The following OPA3 variants were observed in gnomAD, a reference collection of about 807,000 sequenced individuals.
OPA3 encodes outer mitochondrial membrane lipid metabolism regulator OPA3, also known as optic atrophy 3 protein.
OPA3 carries 6 observed loss-of-function variants against 4.0 expected under a neutral mutation model. The ratio of observed to expected loss-of-function variants is 1.51; its 90% confidence interval spans 0.83 to 2.99. OPA3 has a LOEUF of 2.99. OPA3 is among the 30% of genes most tolerant of loss of function. The pLI is 0.00. For missense variants in OPA3, 235 were observed against 256.2 expected (o/e 0.92, Z 0.56); for synonymous variants, 105 against 117.1 (o/e 0.90, Z 0.67).
At chr19:45,581,855 G>A (rs1217944524) in intron 1 of OPA3, among the ~76,000 whole-genome samples, 1 of 152,214 alleles carries the variant, frequency 6.6e-6, no homozygotes, top group Non-Finnish European at 1.5e-5. Flanking sequence ...CTGGAGGGCA[G>A]TGGTGCAATC....
chr19:45,570,028 T>C (rs1969637912), intron 1 of OPA3, among the ~76,000 whole-genome samples: 1 of 152,204 alleles, frequency 6.6e-6, no homozygotes, highest in Non-Finnish European at 1.5e-5. Flanking sequence ...CCGGGGTCAA[T>C]GACCGAGATG....
In OPA3 at chr19:45,553,433, G is replaced by T. The variant is rs1233471749; in HGVS notation, c.*81C>A. ...GATCCTGGTGGTTTCCACTGGGCCA[G>T]CGCAGGCAAGGGTGGTGCGGGAAGA... On this transcript the variant is annotated 3_prime_UTR_variant, in exon 2 of 2. Coordinates refer to ENST00000263275, the MANE Select transcript of OPA3 (RefSeq NM_025136.4). 11 of 1,601,572 alleles carry T rather than the reference G, an allele frequency of 6.9e-6. No homozygotes were observed. The highest frequency in any genetic ancestry group is 9.3e-6 in the Non-Finnish European group (11 of 1,179,520).
At position 45,550,808 on chromosome 19, in the gene OPA3, C is replaced by T. The variant is rs1969321195; in HGVS notation, c.*2706G>A. On this transcript the variant is annotated 3_prime_UTR_variant, in exon 2 of 2. Coordinates refer to ENST00000263275, the MANE Select transcript of OPA3 (RefSeq NM_025136.4). ...TGCAGCTCCTCTAATGAGAGAGCTACAGTCGGAAGGACAGACTGCAGGCTA... is the reference window on the plus strand; with the variant it reads ...TGCAGCTCCTCTAATGAGAGAGCTATAGTCGGAAGGACAGACTGCAGGCTA... 3.0e-6 allele frequency: 3 copies of T among 986,092 alleles called. No individual in the cohort carries two copies. Among genetic ancestry groups the T allele is most frequent in the Non-Finnish European group, 3.6e-6 (3 of 830,114 alleles). 61.1% of individuals were successfully genotyped at this position (986,092 alleles called of 1,614,324 possible). A position where few individuals can be genotyped will look rare whatever the true frequency, so the allele number is the denominator to read the frequency against.
Position 45,553,186 on chromosome 19 carries a change from AAC to A in OPA3, c.*326_*327del, listed in dbSNP as rs571672143. 8.6e-5 allele frequency: 113 copies of A among 1,316,046 alleles called. 1 individual carries two copies. The East Asian group carries it at 2.7e-3, about 31-fold the overall frequency. 81.5% of individuals were successfully genotyped at this position (1,316,046 alleles called of 1,614,324 possible). On this transcript the variant is annotated 3_prime_UTR_variant, in exon 2 of 2. Transcript: ENST00000263275. ...GTAAACCGGGGGTGGGGGTAACAAT[AAC>A]ACATTGATTCAGCTCAAGACCAGGT... is the stretch of plus-strand genomic sequence containing the variant.
At chr19:45,554,194 C>A (rs1366891584) in intron 1 of OPA3, among the ~76,000 whole-genome samples, 1 of 152,188 alleles carries the variant, frequency 6.6e-6, no homozygotes, top group Admixed American at 6.5e-5. Flanking sequence ...GTGTTCCTCC[C>A]TTAAGCCACT....
rs1256806907 is a variant in OPA3 at position 45,549,286 on chromosome 19, CCA to C, written c.*4226_*4227del. The C allele has an allele frequency of 2.0e-6, 2 of 985,270 alleles. No individual in the cohort carries two copies. The highest frequency in any genetic ancestry group is 2.4e-6 in the Non-Finnish European group (2 of 829,960). 61.0% of individuals were successfully genotyped at this position (985,270 alleles called of 1,614,324 possible). A position where few individuals can be genotyped will look rare whatever the true frequency, so the allele number is the denominator to read the frequency against. On this transcript the variant is annotated 3_prime_UTR_variant, in exon 2 of 2. Transcript: ENST00000263275. ...TTTTGAGAGGACGTTCTTTCCACTT[CCA>C]CACACTCTGGCCACCCCTGACGCCG...
At chr19:45,572,828 G>T (rs1392671200) in intron 1 of OPA3, among the ~76,000 whole-genome samples, 1 of 133,426 alleles carries the variant, frequency 7.5e-6, no homozygotes. Context: ...TATATATCTC[G>T]ATATATATCT....
At chr19:45,533,992 CTT>C (rs1969088533) in intron 1 of OPA3, among the ~76,000 whole-genome samples, 1 of 152,202 alleles carries the variant, frequency 6.6e-6, no homozygotes, top group African/African-American at 2.4e-5. Flanking sequence ...AAACACACAC[CTT>C]TTGGCATAGA....
At chr19:45,575,755 C>T (rs1969757249) in intron 1 of OPA3, among the ~76,000 whole-genome samples, 1 of 152,122 alleles carries the variant, frequency 6.6e-6, no homozygotes, top group Non-Finnish European at 1.5e-5. Context: ...AGGCATGCAT[C>T]ACCATGCCCC....
intron 1 of OPA3, among the ~76,000 whole-genome samples, chr19:45,582,348 CG>C (rs1466495944): frequency 6.6e-6 from 1 of 151,902 alleles, no homozygotes; most frequent in Admixed American, 6.6e-5. Context: ...TTAGTAGAGA[CG>C]GGGTTTGACC....
At chr19:45,539,771 A>G (rs1969162459) in intron 1 of OPA3, among the ~76,000 whole-genome samples, 1 of 152,028 alleles carries the variant, frequency 6.6e-6, no homozygotes, top group Non-Finnish European at 1.5e-5. Flanking sequence ...AAAAAAAGGA[A>G]TGAGATATTC....
intron 1 of OPA3, among the ~76,000 whole-genome samples, chr19:45,560,774 G>T (rs951806029): frequency 5.9e-5 from 9 of 152,164 alleles, no homozygotes; most frequent in Non-Finnish European, 8.8e-5. Flanking sequence ...TCTCAGCCCC[G>T]GAGCTCCAGG....
intron 1 of OPA3, among the ~76,000 whole-genome samples, chr19:45,583,655 C>T (rs1969888675): frequency 6.6e-6 from 1 of 152,116 alleles, no homozygotes; most frequent in Non-Finnish European, 1.5e-5. Context: ...GTGTGCGCCA[C>T]CACACCCAGC....
At chr19:45,567,598 GTAC>G (rs2122481149) in intron 1 of OPA3, among the ~76,000 whole-genome samples, 1 of 152,192 alleles carries the variant, frequency 6.6e-6, no homozygotes, top group South Asian at 2.1e-4. Context: ...GTATATGCAT[GTAC>G]CAATACTCAT....
In OPA3 at chr19:45,529,410, G is replaced by GA; in HGVS notation, c.188dup (p.Asn64GlnfsTer169). On this transcript the variant is annotated frameshift_variant, in exon 2 of 2. Coordinates refer to the OPA3 transcript ENST00000323060. LOFTEE classifies it low-confidence loss of function (END_TRUNC). The stretch of plus-strand genomic sequence containing the variant: ...TCAGCGGCTTGATGGCAGCGGCATT[G>GA]AAACCCATGATGCGCATTTTGGTCC... 1 of 1,614,216 alleles carries GA rather than the reference G, an allele frequency of 6.2e-7. No homozygotes were observed. Among genetic ancestry groups the GA allele is most frequent in the Non-Finnish European group, 8.5e-7 (1 of 1,180,018 alleles).
rs1969587312 is a variant in OPA3 at position 45,566,656 on chromosome 19, A to G, written c.143-12745T>C. ...CAGCTAATTTTTTTTTTGTATTTTT[A>G]GTAGAGACAGGGTTTCACCATGTTG... On this transcript the variant is annotated intron_variant, in intron 1 of 1. Transcript: ENST00000263275. Among the ~76,000 whole-genome samples the G allele has an allele frequency of 2.0e-5, 3 of 150,576 alleles. No individual in the cohort carries two copies. In the South Asian group the frequency reaches 6.3e-4, roughly 32 times the overall value.
intron 1 of OPA3, among the ~76,000 whole-genome samples, chr19:45,567,280 C>G (rs1969596706): frequency 6.8e-6 from 1 of 147,452 alleles, no homozygotes; most frequent in African/African-American, 2.5e-5. Flanking sequence ...GTTGAGGCTG[C>G]AGTGAGCCGT....
intron 1 of OPA3, among the ~76,000 whole-genome samples, chr19:45,572,341 CAT>C (rs1969683291): frequency 7.7e-6 from 1 of 129,756 alleles, no homozygotes; most frequent in Non-Finnish European, 1.6e-5. Context: ...ATATATATCT[CAT>C]ATATATCGAC....
At chr19:45,563,413 C>T (rs1969534865) in intron 1 of OPA3, among the ~76,000 whole-genome samples, 1 of 152,036 alleles carries the variant, frequency 6.6e-6, no homozygotes, top group Admixed American at 6.6e-5. Flanking sequence ...CCGCCTCGGC[C>T]TCCCAAAGTG....
Sources: gnomAD v4.1 joint callset for allele counts (sites outside exome capture counted in the v4.1 genomes callset) on GRCh38, gnomAD v4.1.1 for gene constraint, MANE v1.5 for transcripts, NCBI Gene and HGNC (gene_info 2026-07-23, HGNC 2026-07-21) for gene names.